ESR1: variants seen among roughly 807,000 people sequenced by gnomAD.
ESR1 encodes the protein estrogen receptor.
In ESR1, 12 loss-of-function variants were observed where a neutral mutation model predicts 52.7. That is an observed-to-expected ratio of 0.23 (90% CI 0.15 to 0.37). The LOEUF (loss-of-function observed/expected upper bound fraction) is 0.37, where lower values mean the gene tolerates loss of function less well. Among genes scored for constraint, ESR1 ranks in the 10% least tolerant of loss-of-function variants. The pLI, the probability that ESR1 is intolerant of heterozygous loss-of-function variation, is 1.00. For missense variants in ESR1, 584 were observed against 779.7 expected, an observed-to-expected ratio of 0.75 and a Z score of 2.99; for synonymous variants, 305 against 316.8, an observed-to-expected ratio of 0.96 and a Z score of 0.39.
intron 1 of ESR1, among the ~76,000 whole-genome samples, chr6:151,812,432 A>G (rs1165329935): frequency 2.0e-5 from 3 of 152,148 alleles, no homozygotes; most frequent in Non-Finnish European, 2.9e-5. Context: ...CATCTGCAAC[A>G]TTTGTCTGCA....
chr6:151,895,407 C>A (rs117373608), intron 3 of ESR1, among the ~76,000 whole-genome samples: 138 of 152,140 alleles, frequency 9.1e-4, no homozygotes, highest in Non-Finnish European at 1.3e-3. Flanking sequence ...TTGTCTGCTC[C>A]GGCTAGGACT....
chr6:151,965,958 G>A (rs1026641439), intron 4 of ESR1, among the ~76,000 whole-genome samples: 6 of 152,082 alleles, frequency 3.9e-5, no homozygotes, highest in African/African-American at 1.4e-4. Context: ...CGCTCAAGGA[G>A]GTATTTACTA....
chr6:151,965,190 A>G (rs1040338111), intron 4 of ESR1, among the ~76,000 whole-genome samples: 1 of 152,062 alleles, frequency 6.6e-6, no homozygotes, highest in Non-Finnish European at 1.5e-5. Context: ...AAAACTCGCT[A>G]TTTTTCAGTT....
intron 3 of ESR1, among the ~76,000 whole-genome samples, chr6:151,886,030 C>T (rs1306232760): frequency 1.3e-5 from 2 of 151,118 alleles, no homozygotes; most frequent in African/African-American, 2.4e-5. Flanking sequence ...TCATCATATA[C>T]GAGCACTGCT....
intron 1 of ESR1, among the ~76,000 whole-genome samples, chr6:151,699,636 A>T (rs1338737978): frequency 8.5e-5 from 13 of 152,208 alleles, no homozygotes; most frequent in African/African-American, 3.1e-4. Flanking sequence ...TCACTGACAG[A>T]CTGCAGTATT....
intron 6 of ESR1, among the ~76,000 whole-genome samples, chr6:152,084,290 G>T (rs1447663158): frequency 4.0e-5 from 6 of 151,282 alleles, no homozygotes; most frequent in Non-Finnish European, 7.4e-5. Context: ...GGGGCTGGGG[G>T]AGGGATAGCA....
intron 3 of ESR1, among the ~76,000 whole-genome samples, chr6:151,890,551 C>T (rs1020578454): frequency 3.3e-5 from 5 of 152,180 alleles, no homozygotes; most frequent in Non-Finnish European, 7.3e-5. Context: ...GATTTTCTGT[C>T]CGAATAATCT....
chr6:151,908,333 G>A (rs1444213711), intron 3 of ESR1, among the ~76,000 whole-genome samples: 4 of 152,070 alleles, frequency 2.6e-5, no homozygotes, highest in Non-Finnish European at 4.4e-5. Flanking sequence ...GTATCTTGCT[G>A]ATAAATTTCA....
At chr6:151,680,204 C>CTTTT (rs35600661) in intron 1 of ESR1, among the ~76,000 whole-genome samples, 1 of 126,820 alleles carries the variant, frequency 7.9e-6, no homozygotes, top group Non-Finnish European at 1.6e-5. Flanking sequence ...TTTCTTTTCT[C>CTTTT]TTTTTTTTTT....
intron 2 of ESR1, among the ~76,000 whole-genome samples, chr6:151,737,159 T>C (rs1782740757): frequency 6.6e-6 from 1 of 152,222 alleles, no homozygotes; most frequent in Non-Finnish European, 1.5e-5. Context: ...TAATGTTCTA[T>C]TTTATGGAAG....
chr6:151,861,463 A>C (rs1788874097), intron 2 of ESR1, among the ~76,000 whole-genome samples: 1 of 152,168 alleles, frequency 6.6e-6, no homozygotes, highest in African/African-American at 2.4e-5. Context: ...GTAAGCAATG[A>C]GGACAATTCA....
intron 3 of ESR1, among the ~76,000 whole-genome samples, chr6:151,943,510 T>C (rs2128522935): frequency 6.6e-6 from 1 of 152,256 alleles, no homozygotes; most frequent in Admixed American, 6.5e-5. Context: ...TGTGAAAAGC[T>C]TAAAATCCAG....
At chr6:151,733,295 A>G (rs1782395341) in intron 2 of ESR1, among the ~76,000 whole-genome samples, 1 of 152,180 alleles carries the variant, frequency 6.6e-6, no homozygotes, top group Admixed American at 6.5e-5. Flanking sequence ...ATTGGCCACC[A>G]TACTCTATAG....
At chr6:151,862,885 A>ACAAAAGC (rs1789147791) in intron 2 of ESR1, among the ~76,000 whole-genome samples, 1 of 152,126 alleles carries the variant, frequency 6.6e-6, no homozygotes. Flanking sequence ...AGAAAAGAAG[A>ACAAAAGC]TTGTAGATGC....
intron 2 of ESR1, among the ~76,000 whole-genome samples, chr6:151,798,772 CA>C (rs1776950333): frequency 6.6e-6 from 1 of 152,076 alleles, no homozygotes; most frequent in African/African-American, 2.4e-5. Context: ...CAAGTTTGTA[CA>C]ATTTAGCAGA....
intron 5 of ESR1, among the ~76,000 whole-genome samples, chr6:152,025,141 T>C (rs1048718538): frequency 1.3e-5 from 2 of 151,628 alleles, no homozygotes; most frequent in African/African-American, 2.4e-5. Flanking sequence ...ATTGTCATTA[T>C]TGCATCAAAA....
At chr6:151,826,706 A>C (rs548244846) in intron 1 of ESR1, among the ~76,000 whole-genome samples, 5 of 152,256 alleles carry the variant, frequency 3.3e-5, no homozygotes, top group African/African-American at 1.2e-4. Flanking sequence ...AGCTAACTTC[A>C]TGGGGTGGCT....
At chr6:151,696,186 C>T (rs1346478851) in intron 1 of ESR1, among the ~76,000 whole-genome samples, 2 of 152,048 alleles carry the variant, frequency 1.3e-5, no homozygotes, top group Non-Finnish European at 2.9e-5. Flanking sequence ...AAAAGTGCCT[C>T]AGGGCTGGGC....
chr6:151,785,722 AC>A (rs1450879769), intron 2 of ESR1, among the ~76,000 whole-genome samples: 2 of 152,140 alleles, frequency 1.3e-5, no homozygotes, highest in African/African-American at 4.8e-5. Context: ...AAGCCATTGA[AC>A]CCATTAGAAC....
Sources: allele counts gnomAD v4.1 joint callset (sites outside exome capture counted in the v4.1 genomes callset), GRCh38; gene constraint gnomAD v4.1.1; transcripts MANE v1.5; gene names NCBI Gene and HGNC (gene_info 2026-07-23, HGNC 2026-07-21).